The following PLXNA4 variants were observed in gnomAD, a reference collection of about 807,000 sequenced individuals.
The protein encoded by PLXNA4 is plexin-A4.
Under a neutral mutation model 191.8 loss-of-function variants are expected in PLXNA4, and 44 were observed. The observed-to-expected ratio is 0.23, with a 90% CI of 0.18 to 0.29. The LOEUF (loss-of-function observed/expected upper bound fraction) is 0.29. Among genes scored for constraint, PLXNA4 ranks in the 10% least tolerant of loss-of-function variants. The probability of loss-of-function intolerance (pLI) is 1.00; values close to 1 mark genes in which losing one functional copy is unlikely to be tolerated. For missense variants in PLXNA4, 1,800 were observed against 2,488.8 expected (o/e 0.72, Z 5.89); for synonymous variants, 1,082 against 1,009.5 (o/e 1.07, Z -1.36).
intron 1 of PLXNA4, among the ~76,000 whole-genome samples, chr7:132,553,433 A>G (rs1299686353): frequency 6.6e-6 from 1 of 152,090 alleles, no homozygotes; most frequent in African/African-American, 2.4e-5. Context: ...GCCCAGGGGG[A>G]GAGCTTCCTG....
At chr7:132,267,389 A>C (rs937168457) in intron 4 of PLXNA4, among the ~76,000 whole-genome samples, 11 of 152,332 alleles carry the variant, frequency 7.2e-5, no homozygotes, top group African/African-American at 2.6e-4. Context: ...CCTTGGACAC[A>C]TGTGAATGGG....
chr7:132,170,134 G>A (rs986647170), intron 21 of PLXNA4, among the ~76,000 whole-genome samples: 10 of 152,074 alleles, frequency 6.6e-5, no homozygotes, highest in Non-Finnish European at 7.4e-5. Flanking sequence ...ATTTCCTAGG[G>A]CCCTTAGTGA....
In PLXNA4 at chr7:132,508,046, G is replaced by T; in HGVS notation, c.648C>A (p.Tyr216Ter). The T allele has an allele frequency of 6.2e-7, 1 of 1,614,230 alleles. No homozygotes were observed. The highest frequency in any genetic ancestry group is 8.5e-7 in the Non-Finnish European group (1 of 1,180,040). Residue 216 changes from tyrosine (Y) to a stop codon, truncating the protein, a stop_gained, in exon 2 of 32, where the codon TAC becomes TAA. Transcript: ENST00000321063. LOFTEE classifies it high-confidence loss of function. The surrounding 1 kb of genome is among the most constrained non-coding windows in gnomAD (Gnocchi z 4.4). ...KNSEADGMFAYVFHDEFVASM... is the reference protein window; with the variant it reads ...KNSEADGMFA ...AGGCCACGAACTCATCATGGAAGAC[G>T]TACGCGAACATGCCATCCGCCTCAG...
intron 4 of PLXNA4, chr7:132,271,179 C>T (rs147334568): frequency 2.0e-5 from 3 of 152,232 alleles, no homozygotes; most frequent in East Asian, 1.9e-4. Flanking sequence ...AATTCCTAAG[C>T]GCCCACCTGG....
intron 3 of PLXNA4, among the ~76,000 whole-genome samples, chr7:132,455,007 T>C (rs1585159050): frequency 6.6e-6 from 1 of 152,110 alleles, no homozygotes; most frequent in Admixed American, 6.5e-5. Flanking sequence ...GAGAAGCAGG[T>C]TCTGTGTATC....
At chr7:132,162,986 C>T (rs532599388) in intron 24 of PLXNA4, among the ~76,000 whole-genome samples, 10 of 152,310 alleles carry the variant, frequency 6.6e-5, no homozygotes, top group African/African-American at 2.4e-4. Flanking sequence ...TACTACAATG[C>T]CCCAGCCTGC....
At chr7:132,493,747 G>A (rs1654979) in intron 2 of PLXNA4, among the ~76,000 whole-genome samples, 1 of 146,398 alleles carries the variant, frequency 6.8e-6, no homozygotes, top group African/African-American at 2.5e-5. Context: ...GGGTGGATGG[G>A]TGGATGGATG....
chr7:132,631,886 C>A (rs1803496800), intron 2 of PLXNA4, among the ~76,000 whole-genome samples: 1 of 152,228 alleles, frequency 6.6e-6, no homozygotes, highest in Admixed American at 6.5e-5. Context: ...CTTTTCTACT[C>A]ATTCCTCTCA....
At chr7:132,317,312 A>G (rs1801981787) in intron 3 of PLXNA4, among the ~76,000 whole-genome samples, 1 of 147,814 alleles carries the variant, frequency 6.8e-6, no homozygotes, top group Non-Finnish European at 1.5e-5. Flanking sequence ...GTTGTGCTGA[A>G]TTGGATTGAG....
intron 1 of PLXNA4, among the ~76,000 whole-genome samples, chr7:132,549,560 G>T (rs750023270): frequency 6.6e-6 from 1 of 152,134 alleles, no homozygotes; most frequent in Admixed American, 6.6e-5. Context: ...AACCATCAAT[G>T]CAGGAAAAAC....
At chr7:132,380,067 TTATGGCTTG>T (rs1804827667) in intron 3 of PLXNA4, among the ~76,000 whole-genome samples, 1 of 152,218 alleles carries the variant, frequency 6.6e-6, no homozygotes, top group Non-Finnish European at 1.5e-5. Context: ...GTTGGCTTAT[TTATGGCTTG>T]AGAATTGCTT....
intron 5 of PLXNA4, among the ~76,000 whole-genome samples, chr7:132,233,177 G>C (rs1798581150): frequency 6.6e-6 from 1 of 152,186 alleles, no homozygotes; most frequent in South Asian, 2.1e-4. Context: ...ACTCACCTAG[G>C]AGATTATTGG....
At chr7:132,242,214 G>C (rs115077989) in intron 4 of PLXNA4, among the ~76,000 whole-genome samples, 2,072 of 150,568 alleles carry the variant, frequency 0.014, 49 homozygotes, top group African/African-American at 0.048. Flanking sequence ...TCTCAATGGA[G>C]AATCCTGCCT....
At chr7:132,304,734 T>TC (rs199617962) in intron 3 of PLXNA4, among the ~76,000 whole-genome samples, 2 of 130,566 alleles carry the variant, frequency 1.5e-5, no homozygotes, top group African/African-American at 6.9e-5. Flanking sequence ...TTGGTGACTA[T>TC]CCCCCGGAGG....
At chr7:132,436,941 A>G (rs1302101375) in intron 3 of PLXNA4, among the ~76,000 whole-genome samples, 1 of 152,168 alleles carries the variant, frequency 6.6e-6, no homozygotes, top group Non-Finnish European at 1.5e-5. Context: ...CCACCCCTGC[A>G]GGAGCATGTG....
chr7:132,262,435 G>A (rs181803954), intron 4 of PLXNA4, among the ~76,000 whole-genome samples: 34 of 152,224 alleles, frequency 2.2e-4, no homozygotes, highest in African/African-American at 7.0e-4. Flanking sequence ...TGGACCCCTT[G>A]ACAGCAAACC....
At position 132,311,193 on chromosome 7, in the gene PLXNA4, TGC is replaced by T. The variant is rs1554411082; in HGVS notation, c.1372-12973_1372-12972del. On this transcript the variant is annotated intron_variant, in intron 3 of 31. Coordinates refer to ENST00000321063, the MANE Select transcript of PLXNA4 (RefSeq NM_020911.2). ...GTGTGTGTGTGTGTGTGTGTGTGTG[TGC>T]GCGTGTGGCCTAAAGGAGGGTCAGA... 1.9e-4 allele frequency among the ~76,000 whole-genome samples: 17 copies of T among 89,904 alleles called. No homozygotes were observed. In the South Asian group the frequency reaches 2.4e-3, roughly 13 times the overall value. The allele number at this position is 89,904 out of a possible 152,430, so 59.0% of individuals were successfully genotyped here. A position where few individuals can be genotyped will look rare whatever the true frequency, so the allele number is the denominator to read the frequency against.
At chr7:132,510,465 G>A (rs572565862) in intron 1 of PLXNA4, among the ~76,000 whole-genome samples, 2 of 152,238 alleles carry the variant, frequency 1.3e-5, no homozygotes, top group South Asian at 4.2e-4. Flanking sequence ...ATTCACCCAT[G>A]TGGCAAATGT....
At chr7:132,177,369 T>G (rs979590269) in intron 20 of PLXNA4, among the ~76,000 whole-genome samples, 1 of 152,188 alleles carries the variant, frequency 6.6e-6, no homozygotes, top group Non-Finnish European at 1.5e-5. Flanking sequence ...TGGCTTGCTG[T>G]GAAGTCTTCA....
Sources: allele counts gnomAD v4.1 joint callset (sites outside exome capture counted in the v4.1 genomes callset), GRCh38; gene constraint gnomAD v4.1.1; non-coding constraint Gnocchi (gnomAD v3.1); transcripts MANE v1.5; gene names NCBI Gene and HGNC (gene_info 2026-07-23, HGNC 2026-07-21).